ZIC4: variants seen among roughly 807,000 people sequenced by gnomAD.
ZIC4 encodes zinc finger protein ZIC 4.
ZIC4 carries 15 observed loss-of-function variants against 28.8 expected under a neutral mutation model. The ratio of observed to expected loss-of-function variants is 0.52; its 90% CI spans 0.35 to 0.80. The LOEUF (loss-of-function observed/expected upper bound fraction) is 0.80. ZIC4 is among the 30% of genes least tolerant of loss of function. The pLI is 0.01. For synonymous variants in ZIC4, 220 were observed against 198.1 expected (o/e 1.11, Z -0.93); for missense variants, 512 against 467.1 (o/e 1.10, Z -0.89).
At chr3:147,392,268 C>G (rs2086942220) in intron 3 of ZIC4, 1 of 985,880 alleles carries the variant, frequency 1.0e-6, no homozygotes, top group African/African-American at 1.7e-5. Flanking sequence ...TCAGGCCAGG[C>G]CTGGCTCCGC....
At chr3:147,397,746 G>C (rs1576461280) in intron 2 of ZIC4, among the ~76,000 whole-genome samples, 2 of 152,326 alleles carry the variant, frequency 1.3e-5, no homozygotes, top group Admixed American at 1.3e-4. Flanking sequence ...TCAGGAGCCA[G>C]GAGCTGAGAA....
chr3:147,393,185 C>A (rs2086961634), intron 3 of ZIC4, among the ~76,000 whole-genome samples: 3 of 151,904 alleles, frequency 2.0e-5, no homozygotes, highest in Non-Finnish European at 4.4e-5. Context: ...CTCGTGAGCG[C>A]CTCACTGGAC....
At chr3:147,393,090 A>G (rs1233111382) in intron 3 of ZIC4, among the ~76,000 whole-genome samples, 2 of 152,076 alleles carry the variant, frequency 1.3e-5, no homozygotes, top group African/African-American at 4.8e-5. Context: ...TTTTGAGAAA[A>G]CAGAGGTGAA....
intron 2 of ZIC4, among the ~76,000 whole-genome samples, 197 bp downstream of exon 2, chr3:147,402,531 G>A (rs1271926249): frequency 3.3e-5 from 5 of 152,054 alleles, no homozygotes; most frequent in Non-Finnish European, 5.9e-5. Context: ...CTGGTGGGAC[G>A]TTGTGTCATT....
In ZIC4 at chr3:147,396,362, T is replaced by C. The variant is rs201445813; in HGVS notation, c.178A>G (p.Asn60Asp). 4.5e-6 allele frequency: 7 copies of C among 1,551,402 alleles called. No homozygotes were observed. The highest frequency in any genetic ancestry group is 6.1e-6 in the Non-Finnish European group (7 of 1,152,256). Reference sequence around the variant, plus strand: ...GGGAGCCCCAGACGCAGGAGTCCATTCAAAGGACGGCTGGGGGAGGCCTGG... The same window carrying C: ...GGGAGCCCCAGACGCAGGAGTCCATCCAAAGGACGGCTGGGGGAGGCCTGG... ...PPQASPSRPL[N>D]GLLRLGLPGD... Residue 60 changes from asparagine to aspartate, a missense_variant, in exon 3 of 5, where the codon AAT becomes GAT. Physicochemically the swap from Asn to Asp is conservative, Grantham distance 23. Coordinates refer to ENST00000383075, the MANE Select transcript of ZIC4 (RefSeq NM_032153.6). The surrounding 1 kb of genome is among the most constrained non-coding windows in gnomAD (Gnocchi z 4.2).
chr3:147,393,506 C>T (rs2086971551), intron 3 of ZIC4: 1 of 195,640 alleles, frequency 5.1e-6, no homozygotes, highest in Non-Finnish European at 1.1e-5. Flanking sequence ...TCGGAGCGTC[C>T]TAGGCCCGGG....
In ZIC4 at chr3:147,396,047, C is replaced by T. The variant is rs201622810; in HGVS notation, c.493G>A (p.Gly165Ser). The T allele has an allele frequency of 3.3e-4, 528 of 1,614,138 alleles. 2 individuals are homozygous for T. The highest frequency in any genetic ancestry group is 7.1e-5 in the Non-Finnish European group (84 of 1,180,056). Residue 165 changes from glycine to serine, a missense_variant, in exon 3 of 5, where the codon GGC (glycine) becomes AGC (serine). This residue lies in a region of ZIC4 where 310 missense variants were observed against 256.5 expected (regional missense o/e 1.21). Transcript: ENST00000383075. The surrounding 1 kb of genome is among the most constrained non-coding windows in gnomAD (Gnocchi z 4.2). The part of the protein sequence containing the change: ...VTHVTVEHVG[G>S]PEQANHICFW... ...CAAATGTGGTTGGCCTGTTCCGGGC[C>T]GCCGACGTGCTCCACGGTGACGTGC... is the stretch of plus-strand genomic sequence containing the variant.
chr3:147,389,589 G>C (rs1260596671), intron 4 of ZIC4, among the ~76,000 whole-genome samples: 1 of 152,174 alleles, frequency 6.6e-6, no homozygotes, highest in African/African-American at 2.4e-5. Context: ...TGGGGGGAGG[G>C]GGGAAAAAGG....
At chr3:147,405,375 T>C in intron 1 of ZIC4, 1 of 1,536,120 alleles carries the variant, frequency 6.5e-7, no homozygotes, top group Non-Finnish European at 8.7e-7. Flanking sequence ...AACATGACCT[T>C]GGAATCCAAA....
chr3:147,390,473 G>A (rs2086889392), intron 4 of ZIC4, among the ~76,000 whole-genome samples: 1 of 152,084 alleles, frequency 6.6e-6, no homozygotes, highest in Non-Finnish European at 1.5e-5. Context: ...CGAAGCATGC[G>A]GGAAATCTGT....
chr3:147,402,615 C>G, intron 2 of ZIC4, 113 bp downstream of exon 2: 1 of 957,886 alleles, frequency 1.0e-6, no homozygotes, highest in Non-Finnish European at 1.5e-6. Flanking sequence ...CCCCCAAACT[C>G]TCAACCCAAC....
At chr3:147,389,190 T>G (rs1047815470) in intron 4 of ZIC4, 2 of 406,764 alleles carry the variant, frequency 4.9e-6, no homozygotes, top group African/African-American at 4.1e-5. Flanking sequence ...CAAGGACGGA[T>G]TCACTAAAGG....
At position 147,402,749 on chromosome 3, in the gene ZIC4, G is replaced by A. The variant is rs190583246; in HGVS notation, c.49C>T (p.Arg17Ter). Residue 17 changes from arginine (R) to a stop codon, truncating the protein, a stop_gained, in exon 2 of 5, where the codon CGA (arginine) becomes TGA (stop). Transcript: ENST00000383075. LOFTEE classifies it high-confidence loss of function. ...LVMRKRLRLY[R>*]NTLKESSSSS... Reference sequence around the variant, plus strand: ...TTACTTGACTCTTTAAGAGTGTTTCGGTAAAGCCGTAATCGTTTCCTCATC... The same window carrying A: ...TTACTTGACTCTTTAAGAGTGTTTCAGTAAAGCCGTAATCGTTTCCTCATC... The A allele has an allele frequency of 3.5e-5, 56 of 1,613,264 alleles. No individual in the cohort carries two copies. Among genetic ancestry groups the A allele is most frequent in the Admixed American group, 2.3e-4 (14 of 59,976 alleles).
At position 147,391,080 on chromosome 3, in the gene ZIC4, C is replaced by T; in HGVS notation, c.855G>A (p.Met285Ile). 1 of 1,614,120 alleles carries T rather than the reference C, an allele frequency of 6.2e-7. No homozygotes were observed. The highest frequency in any genetic ancestry group is 8.5e-7 in the Non-Finnish European group (1 of 1,180,040). Residue 285 changes from methionine to isoleucine, a missense_variant, in exon 4 of 5, where the codon ATG (methionine) becomes ATA (isoleucine). Physicochemically the swap from Met to Ile is conservative, Grantham distance 10 (BLOSUM62 1). Coordinates refer to ENST00000383075, the MANE Select transcript of ZIC4 (RefSeq NM_032153.6). ...YTHPSSLRKH[M>I]KVHGRSPPPS... ...GCGGCGGCGAGCGCCCGTGCACCTT[C>T]ATGTGCTTACGCAGCGAGCTGGGGT... is the stretch of plus-strand genomic sequence containing the variant.
At position 147,386,915 on chromosome 3, in the gene ZIC4, G is replaced by A. The variant is rs1164778326; in HGVS notation, c.*1944C>T. On this transcript the variant is annotated 3_prime_UTR_variant, in exon 5 of 5. Coordinates refer to ENST00000383075, the MANE Select transcript of ZIC4 (RefSeq NM_032153.6). ...ACACAATGGGTCTATTTTTAGCAGA[G>A]GTGGCTTTGAAGGAGCAGGAGATAT... The A allele has an allele frequency of 6.6e-6, 1 of 152,196 alleles. No homozygotes were observed. 9.4% of individuals were successfully genotyped at this position (152,196 alleles called of 1,614,324 possible).
chr3:147,395,349 G>C (rs537556414), intron 3 of ZIC4, among the ~76,000 whole-genome samples: 1 of 152,090 alleles, frequency 6.6e-6, no homozygotes, highest in Admixed American at 6.6e-5. Context: ...CGGCCACCAA[G>C]GCTCAAAAAT....
rs754923959 is a variant in ZIC4, at chr3:147,396,005, G to C, written c.535C>G (p.Pro179Ala). Residue 179 changes from proline to alanine, a missense_variant, in exon 3 of 5, where the codon CCG becomes GCG. Physicochemically the swap from Pro to Ala is conservative, Grantham distance 27. Coordinates refer to ENST00000383075, the MANE Select transcript of ZIC4 (RefSeq NM_032153.6). The surrounding 1 kb of genome is among the most constrained non-coding windows in gnomAD (Gnocchi z 4.2). ...ANHICFWEEC[P>A]RQGKPFKAKY... ...GCTTTGAAGGGCTTTCCCTGGCGCG[G>C]ACACTCCTCCCAGAAGCAAATGTGG... 2 of 1,614,262 alleles carry C rather than the reference G, an allele frequency of 1.2e-6. No individual in the cohort carries two copies. The highest frequency in any genetic ancestry group is 1.7e-5 in the Admixed American group (1 of 60,030).
chr3:147,394,791 G>T (rs1394043), intron 3 of ZIC4, among the ~76,000 whole-genome samples: 8 of 152,360 alleles, frequency 5.3e-5, no homozygotes, highest in Middle Eastern at 3.4e-3. Context: ...CCTTCCCCGG[G>T]AAGGGAGAGT....
chr3:147,397,486 C>T (rs1174255675), intron 2 of ZIC4, among the ~76,000 whole-genome samples: 1 of 152,096 alleles, frequency 6.6e-6, no homozygotes, highest in Non-Finnish European at 1.5e-5. Flanking sequence ...CCTTTTCTCT[C>T]CCCTTGAGCC....
Sources: allele counts gnomAD v4.1 joint callset (sites outside exome capture counted in the v4.1 genomes callset), GRCh38; gene constraint gnomAD v4.1.1; regional missense constraint gnomAD v4.1.1; non-coding constraint Gnocchi (gnomAD v3.1); transcripts MANE v1.5; gene names NCBI Gene and HGNC (gene_info 2026-07-23, HGNC 2026-07-21).